KIF24: variants seen among roughly 807,000 people sequenced by gnomAD.
KIF24 encodes the protein kinesin-like protein KIF24.
Under a neutral mutation model 118.9 loss-of-function variants are expected in KIF24, and 81 were observed. The observed-to-expected ratio is 0.68, with a 90% CI of 0.57 to 0.82. The LOEUF (loss-of-function observed/expected upper bound fraction) is 0.82, where lower values mean the gene tolerates loss of function less well. Ranked by LOEUF, KIF24 falls within the 40% of genes least tolerant of loss-of-function variation. The pLI is 0.00. For synonymous variants in KIF24, 599 were observed against 610.0 expected (o/e 0.98, Z 0.27); for missense variants, 1,560 against 1,661.6 (o/e 0.94, Z 1.06).
chr9:34,316,276 G>A (rs943947279), intron 1 of KIF24, among the ~76,000 whole-genome samples: 3 of 151,910 alleles, frequency 2.0e-5, no homozygotes, highest in Non-Finnish European at 2.9e-5. Flanking sequence ...GGGAGGTGGA[G>A]GGTGCAGTAA....
chr9:34,256,634 G>A lies in KIF24; in HGVS notation c.2973C>T (p.His991=), dbSNP rs769075200. ...EEDGFTISLS[H]VAVPGSPDQR... Reference sequence around the variant, plus strand: ...GGTCTGGGGATCCAGGAACTGCAACGTGGGACAATGAGATAGTGAAACCAT... The same window carrying A: ...GGTCTGGGGATCCAGGAACTGCAACATGGGACAATGAGATAGTGAAACCAT... Residue 991 remains histidine (H), a synonymous_variant, in exon 11 of 13, where the codon CAC becomes CAT. Coordinates refer to ENST00000402558, the MANE Select transcript of KIF24 (RefSeq NM_194313.4). 26 of 1,613,820 alleles carry A rather than the reference G, an allele frequency of 1.6e-5. No individual in the cohort carries two copies. Among genetic ancestry groups the A allele is most frequent in the Non-Finnish European group, 2.2e-5 (26 of 1,179,900 alleles).
rs1448049946 is a variant in KIF24 at position 34,306,439 on chromosome 9, T to G, written c.626A>C (p.Gln209Pro). 1.9e-6 allele frequency: 3 copies of G among 1,571,628 alleles called. No individual in the cohort carries two copies. The highest frequency in any genetic ancestry group is 2.6e-6 in the Non-Finnish European group (3 of 1,160,894). Reference protein sequence around the residue: ...NYGIPHSCIRQNTSEKQNPWT... With the variant: ...NYGIPHSCIRPNTSEKQNPWT... The stretch of plus-strand genomic sequence containing the variant: ...AGGATTCTGTTTCTCTGAAGTGTTC[T>G]GTCTAATATGTTTATAAACAGGCTT... Residue 209 changes from glutamine to proline, a missense_variant and splice_region_variant, in exon 3 of 13, where the codon CAG becomes CCG. Physicochemically the swap from Gln to Pro is moderately conservative, Grantham distance 76. Coordinates refer to ENST00000402558, the MANE Select transcript of KIF24 (RefSeq NM_194313.4).
rs1834684095 is a variant in KIF24 at position 34,253,386 on chromosome 9, A to AGAT, written c.*991_*993dup. On this transcript the variant is annotated 3_prime_UTR_variant, in exon 13 of 13. Transcript: ENST00000402558. ...TGTCCTGAGCTGCTTCCTGCTAAAA[A>AGAT]GATACACAGCAGGCAGAACTTGGCT... The AGAT allele has an allele frequency of 6.6e-6, 1 of 152,282 alleles. No individual in the cohort carries two copies. The highest frequency in any genetic ancestry group is 2.4e-5 in the African/African-American group (1 of 41,464). The allele number at this position is 152,282 out of a possible 1,614,324, so 9.4% of individuals were successfully genotyped here. A position where few individuals can be genotyped will look rare whatever the true frequency, so the allele number is the denominator to read the frequency against.
intron 3 of KIF24, among the ~76,000 whole-genome samples, chr9:34,300,828 T>C (rs1836671413): frequency 7.5e-6 from 1 of 132,532 alleles, no homozygotes; most frequent in Non-Finnish European, 1.5e-5. Flanking sequence ...TATCTATAGA[T>C]GTGGATATAT....
chr9:34,293,887 A>G (rs980960152), intron 4 of KIF24, among the ~76,000 whole-genome samples: 29 of 152,248 alleles, frequency 1.9e-4, no homozygotes, highest in African/African-American at 6.8e-4. Flanking sequence ...AAGCCTGACG[A>G]TAGCAGATAT....
At chr9:34,325,251 G>A (rs1837637316) in intron 1 of KIF24, among the ~76,000 whole-genome samples, 1 of 151,594 alleles carries the variant, frequency 6.6e-6, no homozygotes, top group South Asian at 2.1e-4. Flanking sequence ...AGGCTGAGAT[G>A]GGAGGATCAC....
chr9:34,331,682 T>C (rs1464740475), upstream of KIF24, among the ~76,000 whole-genome samples: 1 of 152,192 alleles, frequency 6.6e-6, no homozygotes, highest in African/African-American at 2.4e-5. Context: ...AAAATTGTTT[T>C]AATAAAAATA....
intron 2 of KIF24, among the ~76,000 whole-genome samples, chr9:34,309,096 C>G (rs992063338): frequency 1.4e-5 from 1 of 72,382 alleles, no homozygotes; most frequent in African/African-American, 3.1e-5. Flanking sequence ...ATCAAACAAA[C>G]AAACAAATAA....
chr9:34,302,019 G>C (rs1353005317), intron 3 of KIF24, among the ~76,000 whole-genome samples: 6 of 126,254 alleles, frequency 4.8e-5, no homozygotes, highest in Admixed American at 2.8e-4. Context: ...TTTTGAGACA[G>C]AGTCTCACTC....
chr9:34,269,479 G>A (rs1835419216), intron 7 of KIF24, 117 bp from the exon 8 acceptor site: 1 of 436,200 alleles, frequency 2.3e-6, no homozygotes. Flanking sequence ...GAGTGCAGTG[G>A]CGCGATTTTG....
At chr9:34,307,227 G>A (rs1006847130) in intron 2 of KIF24, among the ~76,000 whole-genome samples, 3 of 151,984 alleles carry the variant, frequency 2.0e-5, no homozygotes, top group African/African-American at 7.3e-5. Context: ...ACCGCAGCTG[G>A]CTAATTTTTG....
At chr9:34,319,254 G>C in intron 1 of KIF24, 1 of 1,294,170 alleles carries the variant, frequency 7.7e-7, no homozygotes, top group Non-Finnish European at 1.1e-6. Flanking sequence ...TTAAAAAGCT[G>C]GTAACCAAAG....
At chr9:34,319,978 C>G (rs1474233218) in intron 1 of KIF24, among the ~76,000 whole-genome samples, 1 of 152,206 alleles carries the variant, frequency 6.6e-6, no homozygotes, top group Non-Finnish European at 1.5e-5. Flanking sequence ...AGTACCTTCT[C>G]ACCTGTGAGA....
chr9:34,266,460 C>T (rs910374207), intron 8 of KIF24, among the ~76,000 whole-genome samples: 6 of 151,938 alleles, frequency 3.9e-5, no homozygotes, highest in African/African-American at 9.7e-5. Flanking sequence ...AGGCGAATCA[C>T]GAGGTTAGGA....
chr9:34,267,325 G>A (rs1835332544), intron 8 of KIF24, among the ~76,000 whole-genome samples: 1 of 152,058 alleles, frequency 6.6e-6, no homozygotes, highest in South Asian at 2.1e-4. Context: ...TTATAATAGA[G>A]AAATTAGGCT....
chr9:34,294,353 C>G (rs1248715881), intron 4 of KIF24, among the ~76,000 whole-genome samples: 2 of 152,018 alleles, frequency 1.3e-5, no homozygotes, highest in Non-Finnish European at 2.9e-5. Context: ...AAAAATTATA[C>G]AAGAATGTTC....
intron 3 of KIF24, among the ~76,000 whole-genome samples, chr9:34,303,411 C>T (rs958156918): frequency 3.3e-5 from 5 of 152,182 alleles, no homozygotes; most frequent in African/African-American, 1.2e-4. Context: ...ATGGTTGTTG[C>T]ATTATTAAAC....
chr9:34,332,618 C>A (rs186935387), upstream of KIF24, among the ~76,000 whole-genome samples: 1 of 152,284 alleles, frequency 6.6e-6, no homozygotes, highest in Admixed American at 6.5e-5. Flanking sequence ...TTGTCCCAAC[C>A]TTGTCTGACT....
intron 1 of KIF24, among the ~76,000 whole-genome samples, chr9:34,314,555 T>C (rs1234123169): frequency 6.6e-6 from 1 of 152,182 alleles, no homozygotes; most frequent in Non-Finnish European, 1.5e-5. Context: ...CTCCCAGGTT[T>C]TAGGAAAGGC....
Sources: gnomAD v4.1 joint callset for allele counts (sites outside exome capture counted in the v4.1 genomes callset) on GRCh38, gnomAD v4.1.1 for gene constraint, MANE v1.5 for transcripts, NCBI Gene and HGNC (gene_info 2026-07-23, HGNC 2026-07-21) for gene names.